The following PCDHGA1 variants were observed in gnomAD, a reference collection of about 807,000 sequenced individuals.
The protein encoded by PCDHGA1 is protocadherin gamma subfamily A, 1, also known as protocadherin gamma-A1.
A neutral mutation model predicts 58.0 loss-of-function variants in PCDHGA1; 32 were observed. The observed-to-expected ratio is 0.55, with a 90% CI of 0.42 to 0.74. PCDHGA1 has a LOEUF of 0.74. Ranked by LOEUF, PCDHGA1 falls within the 30% of genes least tolerant of loss-of-function variation. The probability of loss-of-function intolerance (pLI) is 0.00; values close to 1 mark genes in which losing one functional copy is unlikely to be tolerated. For missense variants in PCDHGA1, 1,205 were observed against 1,182.3 expected, an observed-to-expected ratio of 1.02 and a Z score of -0.28; for synonymous variants, 498 against 501.1, an observed-to-expected ratio of 0.99 and a Z score of 0.08.
chr5:141,487,802 C>T lies in PCDHGA1; in HGVS notation c.2422-7005C>T, dbSNP rs765438219. The T allele has an allele frequency of 9.5e-6, 14 of 1,477,306 alleles. No individual in the cohort carries two copies. The South Asian group carries it at 1.7e-4, about 18-fold the overall frequency. 91.5% of individuals were successfully genotyped at this position (1,477,306 alleles called of 1,614,324 possible). A position where few individuals can be genotyped will look rare whatever the true frequency, so the allele number is the denominator to read the frequency against. ...TTTCGTGAATTAACCAGAGTTGTCACAGTTTAGCATTGGGGGCGGGTCATG... is the reference window on the plus strand; with the variant it reads ...TTTCGTGAATTAACCAGAGTTGTCATAGTTTAGCATTGGGGGCGGGTCATG... On this transcript the variant is annotated intron_variant, in intron 1 of 3. Transcript: ENST00000517417. The surrounding 1 kb of genome is among the most constrained non-coding windows in gnomAD (Gnocchi z 5.0).
intron 1 of PCDHGA1, chr5:141,377,208 T>A (rs1773778688): frequency 6.6e-6 from 1 of 152,244 alleles, no homozygotes; most frequent in Non-Finnish European, 1.5e-5. Context: ...ATTGAGTACA[T>A]CTCGTTTCTT....
chr5:141,437,765 G>C (rs1561886251), intron 1 of PCDHGA1, among the ~76,000 whole-genome samples: 1 of 148,074 alleles, frequency 6.8e-6, no homozygotes, highest in African/African-American at 2.5e-5. Flanking sequence ...TTGAGACAGA[G>C]TCTCAATCTG....
intron 1 of PCDHGA1, chr5:141,394,343 C>T: frequency 1.2e-6 from 2 of 1,614,158 alleles, no homozygotes; most frequent in African/African-American, 1.3e-5. Context: ...TCAACTCTGA[C>T]ACCGGTGTCC....
intron 1 of PCDHGA1, chr5:141,370,473 C>A: frequency 6.2e-7 from 1 of 1,613,496 alleles, no homozygotes; most frequent in Non-Finnish European, 8.5e-7. Flanking sequence ...TTTGTTAGAC[C>A]AGGCTCTCTC....
rs761386567 is a variant in PCDHGA1 at position 141,383,468 on chromosome 5, A to G, written c.2421+50363A>G. ...GTGCAAAGTGGAGACGATGAAACTA[A>G]GTACCCGGAACTGGTGCTGGAGCGG... On this transcript the variant is annotated intron_variant, in intron 1 of 3. Transcript: ENST00000517417. The G allele has an allele frequency of 1.1e-5, 17 of 1,613,656 alleles. 1 individual carries two copies. In the South Asian group the frequency reaches 1.9e-4, roughly 18 times the overall value.
chr5:141,432,949 C>A lies in PCDHGA1; in HGVS notation c.2422-61858C>A, dbSNP rs764998032. ...CACGCCTGCTGCAGGCTTCAGGAGG[C>A]GGCTTGACAGGAGCGCCGGCGTCGC... On this transcript the variant is annotated intron_variant, in intron 1 of 3. Transcript: ENST00000517417. This position sits in a 1 kb window ranked among gnomAD's most constrained non-coding sequence, Gnocchi z 6.0. The A allele has an allele frequency of 1.9e-6, 3 of 1,614,184 alleles. No homozygotes were observed. The highest frequency in any genetic ancestry group is 2.5e-6 in the Non-Finnish European group (3 of 1,180,040).
chr5:141,410,719 A>G, intron 1 of PCDHGA1: 3 of 1,407,980 alleles, frequency 2.1e-6, no homozygotes, highest in Non-Finnish European at 2.9e-6. Context: ...TCATATGTTT[A>G]AAATCCATAG....
Position 141,388,206 on chromosome 5 carries a change from G to C in PCDHGA1, c.2421+55101G>C. ...GCCAGCTTGTGCTCTGGAATTTGAGGCTGTTGCTGAAAATCCACTGAACTT... is the reference window on the plus strand; with the variant it reads ...GCCAGCTTGTGCTCTGGAATTTGAGCCTGTTGCTGAAAATCCACTGAACTT... On this transcript the variant is annotated intron_variant, in intron 1 of 3. Coordinates refer to ENST00000517417, the MANE Select transcript of PCDHGA1 (RefSeq NM_018912.3). 4 of 1,578,262 alleles carry C rather than the reference G, an allele frequency of 2.5e-6. No homozygotes were observed. In the South Asian group the frequency reaches 4.5e-5, roughly 18 times the overall value.
chr5:141,386,866 A>G (rs2150322529), intron 1 of PCDHGA1, among the ~76,000 whole-genome samples: 1 of 152,364 alleles, frequency 6.6e-6, no homozygotes, highest in East Asian at 1.9e-4. Context: ...AGCTATTGCA[A>G]TCAAACTTTC....
intron 1 of PCDHGA1, chr5:141,360,650 T>G (rs1234526049): frequency 8.7e-6 from 14 of 1,613,994 alleles, no homozygotes; most frequent in Admixed American, 1.7e-5. Context: ...AGATACCACC[T>G]TAATGACAAC....
rs953803165 is a variant in PCDHGA1, at chr5:141,392,978, C to A, written c.2421+59873C>A. 2.5e-6 allele frequency: 4 copies of A among 1,613,808 alleles called. No individual in the cohort carries two copies. The highest frequency in any genetic ancestry group is 1.7e-4 in the Middle Eastern group (1 of 6,054). Reference sequence around the variant, plus strand: ...ATATCTCCAAGGACCTGGGGCTGGACCCCCGGAAGCTGGCGAAGCACGGAG... The same window carrying A: ...ATATCTCCAAGGACCTGGGGCTGGAACCCCGGAAGCTGGCGAAGCACGGAG... On this transcript the variant is annotated intron_variant, in intron 1 of 3. Coordinates refer to ENST00000517417, the MANE Select transcript of PCDHGA1 (RefSeq NM_018912.3).
At chr5:141,407,214 G>C (rs1230787104) in intron 1 of PCDHGA1, among the ~76,000 whole-genome samples, 2 of 152,146 alleles carry the variant, frequency 1.3e-5, no homozygotes, top group South Asian at 2.1e-4. Context: ...TCCCCCTTAA[G>C]TGGGTAGCAA....
At position 141,334,215 on chromosome 5, in the gene PCDHGA1, T is replaced by C. The variant is rs370970350; in HGVS notation, c.2421+1110T>C. ...AAGGTTAGGAAACTGCCTCCAGCAA[T>C]GTAATAGGGACAGAAGTGCTTCAGA... On this transcript the variant is annotated intron_variant, in intron 1 of 3. Coordinates refer to ENST00000517417, the MANE Select transcript of PCDHGA1 (RefSeq NM_018912.3). The surrounding 1 kb of genome is among the most constrained non-coding windows in gnomAD (Gnocchi z 4.6). The C allele has an allele frequency of 6.6e-6, 1 of 152,198 alleles. No homozygotes were observed. The highest frequency in any genetic ancestry group is 2.4e-5 in the African/African-American group (1 of 41,430). 9.4% of individuals were successfully genotyped at this position (152,198 alleles called of 1,614,324 possible).
In PCDHGA1 at chr5:141,432,808, C is replaced by G. The variant is rs1473886709; in HGVS notation, c.2422-61999C>G. ...TCGGCAGCCTCGAGTCTCCAGCTAA[C>G]TCTGAAACCTCAGACCTCACTCTGT... is the stretch of plus-strand genomic sequence containing the variant. On this transcript the variant is annotated intron_variant, in intron 1 of 3. Coordinates refer to ENST00000517417, the MANE Select transcript of PCDHGA1 (RefSeq NM_018912.3). This position sits in a 1 kb window ranked among gnomAD's most constrained non-coding sequence, Gnocchi z 6.0. 2 of 1,613,486 alleles carry G rather than the reference C, an allele frequency of 1.2e-6. No individual in the cohort carries two copies. Among genetic ancestry groups the G allele is most frequent in the Non-Finnish European group, 1.7e-6 (2 of 1,180,008 alleles).
intron 1 of PCDHGA1, chr5:141,371,441 G>C: frequency 1.2e-6 from 2 of 1,613,958 alleles, no homozygotes; most frequent in Non-Finnish European, 1.7e-6. Context: ...AGATAACCCT[G>C]GCTTCTGAAT....
Position 141,370,276 on chromosome 5 carries a change from C to G in PCDHGA1, c.2421+37171C>G, listed in dbSNP as rs1259059865. The G allele has an allele frequency of 3.6e-6, 3 of 839,228 alleles. No homozygotes were observed. The African/African-American group carries it at 5.1e-5, about 14-fold the overall frequency. 52.0% of individuals were successfully genotyped at this position (839,228 alleles called of 1,614,324 possible). ...ATCAGGCTTCCTGCAGCGGAGACAC[C>G]CATTAGAGAACCCAAGCACAAAGAC... On this transcript the variant is annotated intron_variant, in intron 1 of 3. Coordinates refer to ENST00000517417, the MANE Select transcript of PCDHGA1 (RefSeq NM_018912.3).
In PCDHGA1 at chr5:141,490,275, C is replaced by A; in HGVS notation, c.2422-4532C>A. 6.2e-7 allele frequency: 1 copy of A among 1,614,238 alleles called. No individual in the cohort carries two copies. The highest frequency in any genetic ancestry group is 8.5e-7 in the Non-Finnish European group (1 of 1,180,044). On this transcript the variant is annotated intron_variant, in intron 1 of 3. Transcript: ENST00000517417. The surrounding 1 kb of genome is among the most constrained non-coding windows in gnomAD (Gnocchi z 5.4). Reference sequence around the variant, plus strand: ...AAGTGGATGTGGGGGATGTCAATGACAATGCCCCAGAGGTGCTATTGGCCT... The same window carrying A: ...AAGTGGATGTGGGGGATGTCAATGAAAATGCCCCAGAGGTGCTATTGGCCT...
chr5:141,385,582 G>C, intron 1 of PCDHGA1: 1 of 1,273,856 alleles, frequency 7.9e-7, no homozygotes, highest in Non-Finnish European at 9.9e-7. Context: ...TCCAATCTAT[G>C]TTCCAACCTA....
rs1467261705 is a variant in PCDHGA1, at chr5:141,417,640, C to G, written c.2422-77167C>G. 6.6e-6 allele frequency: 5 copies of G among 761,360 alleles called. No homozygotes were observed. The African/African-American group carries it at 8.8e-5, about 13-fold the overall frequency. 47.2% of individuals were successfully genotyped at this position (761,360 alleles called of 1,614,324 possible). A position where few individuals can be genotyped will look rare whatever the true frequency, so the allele number is the denominator to read the frequency against. On this transcript the variant is annotated intron_variant, in intron 1 of 3. Coordinates refer to ENST00000517417, the MANE Select transcript of PCDHGA1 (RefSeq NM_018912.3). ...AGAGCAAGCGCTGACGCCGGGGATC[C>G]CTCAGCCTCTAGCCTGGGATTCCCT...
Sources: gnomAD v4.1 joint callset for allele counts (sites outside exome capture counted in the v4.1 genomes callset) on GRCh38, gnomAD v4.1.1 for gene constraint, Gnocchi (gnomAD v3.1) non-coding constraint, MANE v1.5 for transcripts, NCBI Gene and HGNC (gene_info 2026-07-23, HGNC 2026-07-21) for gene names.